AMPD3: variants seen among roughly 807,000 people sequenced by gnomAD.
The protein encoded by AMPD3 is AMP deaminase 3.
AMPD3 carries 57 observed loss-of-function variants against 82.3 expected under a neutral mutation model. The ratio of observed to expected loss-of-function variants is 0.69; its 90% CI spans 0.56 to 0.86. AMPD3 has a LOEUF of 0.86. Ranked by LOEUF, AMPD3 falls within the 40% of genes least tolerant of loss-of-function variation. The pLI is 0.00. For missense variants in AMPD3, 870 were observed against 1,003.8 expected (o/e 0.87, Z 1.80); for synonymous variants, 381 against 394.7 (o/e 0.97, Z 0.41).
At position 10,482,227 on chromosome 11, in the gene AMPD3, T is replaced by C; in HGVS notation, c.589+2T>C. On this transcript the variant is annotated splice_donor_variant, in intron 4 of 14. Coordinates refer to ENST00000396553, the MANE Select transcript of AMPD3 (RefSeq NM_001025389.2). LOFTEE classifies it high-confidence loss of function. ...CACCTCCGGAAGAGGGCCTTCCAGG[T>C]ATGGAGCTCTGGCTGGAGGTTGGGT... 6.2e-7 allele frequency: 1 copy of C among 1,611,194 alleles called. No individual in the cohort carries two copies. Among genetic ancestry groups the C allele is most frequent in the East Asian group, 2.2e-5 (1 of 44,826 alleles).
chr11:10,497,612 G>A, intron 10 of AMPD3: 3 of 985,426 alleles, frequency 3.0e-6, no homozygotes, highest in Non-Finnish European at 3.6e-6. Context: ...AAAGAATTGA[G>A]TCTGTGTGCC....
In AMPD3 at chr11:10,456,630, T is replaced by C. The variant is rs1216698910; in HGVS notation, c.-6+1182T>C. ...TGTAACAGTGAGATAAGCTGTATCA[T>C]TGGCTGACTGATGCTGGTGAATTCA... On this transcript the variant is annotated intron_variant, in intron 1 of 14. Coordinates refer to ENST00000396553, the MANE Select transcript of AMPD3 (RefSeq NM_001025389.2). The surrounding 1 kb of genome is among the most constrained non-coding windows in gnomAD (Gnocchi z 4.3). 4.1e-6 allele frequency: 4 copies of C among 984,484 alleles called. No individual in the cohort carries two copies. Among genetic ancestry groups the C allele is most frequent in the Non-Finnish European group, 4.8e-6 (4 of 829,014 alleles). 61.0% of individuals were successfully genotyped at this position (984,484 alleles called of 1,614,324 possible).
At chr11:10,484,700 C>T (rs549625873) in intron 4 of AMPD3, 120 bp from the exon 5 acceptor site, 85 of 1,296,184 alleles carry the variant, frequency 6.6e-5, no homozygotes, top group African/African-American at 2.9e-4. Flanking sequence ...ATATGAGATG[C>T]GGGGCCGGCG....
chr11:10,493,646 G>A (rs756320131), intron 7 of AMPD3, 103 bp downstream of exon 7: 9 of 1,315,634 alleles, frequency 6.8e-6, no homozygotes, highest in East Asian at 5.0e-5. Flanking sequence ...GAGGTGCTAC[G>A]GAAGCAGCTT....
At chr11:10,484,704 G>T (rs1564848620) in intron 4 of AMPD3, 116 bp from the exon 5 acceptor site, 5 of 1,328,248 alleles carry the variant, frequency 3.8e-6, no homozygotes, top group South Asian at 2.4e-5. Context: ...GAGATGCGGG[G>T]CCGGCGCAGG....
chr11:10,451,250 C>T (rs1286410288), upstream of AMPD3, among the ~76,000 whole-genome samples: 1 of 152,244 alleles, frequency 6.6e-6, no homozygotes, highest in Non-Finnish European at 1.5e-5. Context: ...GTGGCCCGAG[C>T]CCCAGCGGCC....
chr11:10,458,343 C>A (rs1027097814), intron 1 of AMPD3, among the ~76,000 whole-genome samples: 10 of 150,340 alleles, frequency 6.7e-5, no homozygotes, highest in African/African-American at 2.4e-4. Context: ...GCCCTAATTG[C>A]CAAAACCTGC....
At chr11:10,455,172 A>G, upstream of AMPD3, 3 of 985,432 alleles carry the variant, frequency 3.0e-6, no homozygotes, top group Non-Finnish European at 3.6e-6. Context: ...CAACAGCACC[A>G]CAGAAATAGC....
intron 10 of AMPD3, among the ~76,000 whole-genome samples, chr11:10,498,181 C>T (rs979530233): frequency 2.0e-5 from 3 of 152,180 alleles, no homozygotes; most frequent in Non-Finnish European, 4.4e-5. Context: ...GGTGTGGCAG[C>T]GCAGGGACTC....
At position 10,504,536 on chromosome 11, in the gene AMPD3, G is replaced by T. The variant is rs767383684; in HGVS notation, c.2017-13G>T. The T allele has an allele frequency of 1.2e-6, 2 of 1,609,004 alleles. No homozygotes were observed. The highest frequency in any genetic ancestry group is 4.5e-5 in the East Asian group (2 of 44,880). The stretch of plus-strand genomic sequence containing the variant: ...CCCCCCTTCTAATCCACATGCTTTG[G>T]GGGAGGATCTAGGAAGCACTTATGG... On this transcript the variant is annotated splice_polypyrimidine_tract_variant and intron_variant, in intron 13 of 14. Coordinates refer to ENST00000396553, the MANE Select transcript of AMPD3 (RefSeq NM_001025389.2).
At chr11:10,451,521 G>A (rs1187668175), upstream of AMPD3, among the ~76,000 whole-genome samples, 1 of 152,186 alleles carries the variant, frequency 6.6e-6, no homozygotes, top group African/African-American at 2.4e-5. Flanking sequence ...CTTGGGCTCT[G>A]GCAGTCTGCT....
rs1029667803 is a variant in AMPD3 at position 10,501,078 on chromosome 11, T to C, written c.1722-392T>C. 44 of 985,386 alleles carry C rather than the reference T, an allele frequency of 4.5e-5. No individual in the cohort carries two copies. The African/African-American group carries it at 4.9e-4, about 11-fold the overall frequency. The allele number at this position is 985,386 out of a possible 1,614,324, so 61.0% of individuals were successfully genotyped here. ...CTGACCTGTTCAGTGGCATGGAACA[T>C]AGACTTCACTCTCCGGGCCTTGGTT... On this transcript the variant is annotated intron_variant, in intron 11 of 14. Transcript: ENST00000396553.
upstream of AMPD3, among the ~76,000 whole-genome samples, chr11:10,454,343 C>T (rs1028087440): frequency 2.0e-4 from 31 of 152,144 alleles, no homozygotes; most frequent in Admixed American, 9.2e-4. Flanking sequence ...AACTGGGCTC[C>T]AGGAAGGCAG....
intron 13 of AMPD3, among the ~76,000 whole-genome samples, chr11:10,503,653 A>T (rs1046763513): frequency 6.6e-6 from 1 of 152,254 alleles, no homozygotes; most frequent in African/African-American, 2.4e-5. Context: ...CCACATCAAT[A>T]AACCAATGAA....
chr11:10,452,914 G>C (rs1847995626), upstream of AMPD3, among the ~76,000 whole-genome samples: 1 of 152,144 alleles, frequency 6.6e-6, no homozygotes, highest in East Asian at 1.9e-4. Flanking sequence ...GGTGGAACAG[G>C]ATTCAAATGC....
rs138609638 is a variant in AMPD3, at chr11:10,470,425, C to T, written c.222-8101C>T. Among the ~76,000 whole-genome samples, 657 of 152,326 alleles carry T rather than the reference C, an allele frequency of 4.3e-3. 7 individuals are homozygous for T. Among genetic ancestry groups the T allele is most frequent in the African/African-American group, 0.015 (626 of 41,562 alleles). ...GGCGCAAGACAAGTATGCCCTCTCTCACCACTCCTATTCAACATAGTATTG... is the reference window on the plus strand; with the variant it reads ...GGCGCAAGACAAGTATGCCCTCTCTTACCACTCCTATTCAACATAGTATTG... On this transcript the variant is annotated intron_variant, in intron 2 of 14. Transcript: ENST00000396553.
chr11:10,501,468 A>G lies in AMPD3; in HGVS notation c.1722-2A>G. 1.2e-6 allele frequency: 2 copies of G among 1,613,826 alleles called. No individual in the cohort carries two copies. Among genetic ancestry groups the G allele is most frequent in the Non-Finnish European group, 1.7e-6 (2 of 1,179,800 alleles). Reference sequence around the variant, plus strand: ...CTGATTCGGAAACCCCTTCTCTTACAGGGAGCGCGGCCTGAGCACGTTCCT... The same window carrying G: ...CTGATTCGGAAACCCCTTCTCTTACGGGGAGCGCGGCCTGAGCACGTTCCT... On this transcript the variant is annotated splice_acceptor_variant, in intron 11 of 14. Transcript: ENST00000396553. LOFTEE classifies it high-confidence loss of function.
At position 10,483,278 on chromosome 11, in the gene AMPD3, C is replaced by T. The variant is rs555131288; in HGVS notation, c.589+1053C>T. ...GGCAGTGATGAGGACAGTAGGAAAC[C>T]CCACTCCTGAAAGTTGGTGGTGGGG... On this transcript the variant is annotated intron_variant, in intron 4 of 14. Transcript: ENST00000396553. Among the ~76,000 whole-genome samples the T allele has an allele frequency of 2.6e-5, 4 of 152,088 alleles. No homozygotes were observed. In the East Asian group the frequency reaches 7.7e-4, roughly 29 times the overall value.
intron 10 of AMPD3, 28 bp downstream of exon 10, chr11:10,496,966 G>C: frequency 1.9e-6 from 3 of 1,612,768 alleles, no homozygotes; most frequent in Non-Finnish European, 2.5e-6. Context: ...CCTAGGCAGG[G>C]CTCATAGCGG....
Sources: gnomAD v4.1 joint callset for allele counts (sites outside exome capture counted in the v4.1 genomes callset) on GRCh38, gnomAD v4.1.1 for gene constraint, Gnocchi (gnomAD v3.1) non-coding constraint, MANE v1.5 for transcripts, NCBI Gene and HGNC (gene_info 2026-07-23, HGNC 2026-07-21) for gene names.